The following MYO7B variants were observed in gnomAD, a reference collection of about 807,000 sequenced individuals.
MYO7B encodes myosin VIIB.
MYO7B carries 212 observed loss-of-function variants against 259.7 expected under a neutral mutation model. The observed-to-expected ratio is 0.82, with a 90% CI of 0.73 to 0.91. MYO7B has a LOEUF of 0.91. Ranked by LOEUF, MYO7B falls within the 40% of genes least tolerant of loss-of-function variation. The pLI is 0.00. For missense variants in MYO7B, 2,732 were observed against 2,813.5 expected (o/e 0.97, Z 0.66); for synonymous variants, 1,197 against 1,166.4 (o/e 1.03, Z -0.54).
rs767513137 is a variant in MYO7B at position 127,635,821 on chromosome 2, T to G, written c.5920T>G (p.Ser1974Ala). 1.3e-6 allele frequency: 2 copies of G among 1,587,962 alleles called. No homozygotes were observed. Among genetic ancestry groups the G allele is most frequent in the Non-Finnish European group, 1.7e-6 (2 of 1,167,586 alleles). ...CAAGGCCCAGTTCAACAACGACCGG[T>G]CCCAGCTGGCTAGTGTCCCCAAGAT... The part of the protein sequence containing the change: ...IYKAQFNNDR[S>A]QLASVPKILR... Residue 1974 changes from serine to alanine, a missense_variant, in exon 44 of 48, where the codon TCC (serine) becomes GCC (alanine). Ser to Ala is a moderately conservative substitution (Grantham distance 99). This residue lies in a region of MYO7B where 821 missense variants were observed against 769.3 expected (regional missense o/e 1.07). Coordinates refer to ENST00000409816, the MANE Select transcript of MYO7B (RefSeq NM_001393586.1).
At chr2:127,550,615 G>T (rs1693411016) in intron 1 of MYO7B, among the ~76,000 whole-genome samples, 1 of 151,832 alleles carries the variant, frequency 6.6e-6, no homozygotes, top group South Asian at 2.1e-4. Context: ...CAGAGGGAAA[G>T]TCAGGAAAGT....
chr2:127,628,530 C>T lies in MYO7B; in HGVS notation c.4619C>T (p.Ala1540Val). 7.8e-7 allele frequency: 1 copy of T among 1,280,536 alleles called. No homozygotes were observed. Among genetic ancestry groups the T allele is most frequent in the South Asian group, 1.3e-5 (1 of 79,662 alleles). The allele number at this position is 1,280,536 out of a possible 1,614,324, so 79.3% of individuals were successfully genotyped here. A position where few individuals can be genotyped will look rare whatever the true frequency, so the allele number is the denominator to read the frequency against. ...GCCATGGCCCTGCAGGACAGGAAGG[C>T]CACAGGTGCCAGACTGGGTGGGGTG... is the stretch of plus-strand genomic sequence containing the variant. ...IFAMALQDRK[A>V]TDDTTLLAFK... is the part of the protein sequence containing the mutation. The change falls in exon 34 of 48, where the codon GCC (alanine) becomes GTC (valine). Residue 1540 changes from alanine (A) to valine (V), a missense_variant. By Grantham distance (64) the Ala-to-Val change is moderately conservative (BLOSUM62 0). Coordinates refer to ENST00000409816, the MANE Select transcript of MYO7B (RefSeq NM_001393586.1). The surrounding 1 kb of genome is among the most constrained non-coding windows in gnomAD (Gnocchi z 4.8).
chr2:127,572,991 C>T (rs1308656507), intron 6 of MYO7B, among the ~76,000 whole-genome samples: 2 of 151,508 alleles, frequency 1.3e-5, no homozygotes. Context: ...CCCAACCAGT[C>T]GCCCCCATGA....
intron 1 of MYO7B, among the ~76,000 whole-genome samples, chr2:127,544,519 C>T (rs1693136501): frequency 1.3e-5 from 2 of 151,978 alleles, no homozygotes; most frequent in South Asian, 2.1e-4. Context: ...AGTGATTCTC[C>T]TGCCTCAGCC....
chr2:127,580,794 C>G lies in MYO7B; in HGVS notation c.1052C>G (p.Ala351Gly), dbSNP rs765584361. 3.1e-6 allele frequency: 5 copies of G among 1,613,436 alleles called. No homozygotes were observed. Among genetic ancestry groups the G allele is most frequent in the Admixed American group, 1.7e-5 (1 of 59,944 alleles). Residue 351 changes from alanine to glycine, a missense_variant, in exon 10 of 48, where the codon GCC becomes GGC. Physicochemically the swap from Ala to Gly is moderately conservative, Grantham distance 60. Around this residue, in one of 3 missense-constraint regions of MYO7B, gnomAD observed 1,906 missense variants for 2,026.4 expected, o/e 0.94. Coordinates refer to ENST00000409816, the MANE Select transcript of MYO7B (RefSeq NM_001393586.1). ...GCCTCAGACGTGATGGAGACGCCCGCCTTTCCCACCGTGATGAAGTTACTG... is the reference window on the plus strand; with the variant it reads ...GCCTCAGACGTGATGGAGACGCCCGGCTTTCCCACCGTGATGAAGTTACTG... ...LDASDVMETP[A>G]FPTVMKLLEV...
chr2:127,574,012 G>T lies in MYO7B; in HGVS notation c.685G>T (p.Gly229Cys). Residue 229 changes from glycine (G) to cysteine (C), a missense_variant, in exon 7 of 48, where the codon GGC (glycine) becomes TGC (cysteine). Physicochemically the swap from Gly to Cys is radical, Grantham distance 159. Transcript: ENST00000409816. ...IYFNPSGVIE[G>C]ARIEQFLLEK... ...CTTTAACCCCAGCGGGGTGATCGAG[G>T]GCGCGCGCATCGAGCAATTTCTCCT... 6.2e-7 allele frequency: 1 copy of T among 1,614,026 alleles called. No homozygotes were observed.
Position 127,590,310 on chromosome 2 carries a change from G to A in MYO7B, c.1992+81G>A. The stretch of plus-strand genomic sequence containing the variant: ...CTCTAGGGTTGTGGTCACTCCCTCT[G>A]CCAGGGCCTGGCTAGCGTTAGAGCT... On this transcript the variant is annotated intron_variant, in intron 16 of 47. Coordinates refer to ENST00000409816, the MANE Select transcript of MYO7B (RefSeq NM_001393586.1). The surrounding 1 kb of genome is among the most constrained non-coding windows in gnomAD (Gnocchi z 4.6). 1 of 1,585,676 alleles carries A rather than the reference G, an allele frequency of 6.3e-7. No homozygotes were observed. The highest frequency in any genetic ancestry group is 8.6e-7 in the Non-Finnish European group (1 of 1,161,044).
intron 14 of MYO7B, among the ~76,000 whole-genome samples, chr2:127,588,191 T>C (rs1035491728): frequency 2.0e-5 from 3 of 152,086 alleles, no homozygotes; most frequent in African/African-American, 7.2e-5. Flanking sequence ...GTCCAGAGTT[T>C]AGACAGGAGA....
At chr2:127,540,169 A>AT (rs1289905764) in intron 1 of MYO7B, among the ~76,000 whole-genome samples, 58,076 of 147,544 alleles carry the variant, frequency 0.39, 13,036 homozygotes, top group Admixed American at 0.55. Flanking sequence ...TTCTGGTTTT[A>AT]TTTTTTTTTT....
chr2:127,619,533 GAACTCAGA>G, intron 26 of MYO7B, among the ~76,000 whole-genome samples: 1 of 152,224 alleles, frequency 6.6e-6, no homozygotes, highest in Middle Eastern at 3.4e-3. Context: ...AGGGATGCAG[GAACTCAGA>G]GAGCCAGCCA....
chr2:127,617,854 AG>A (rs1680640372), intron 26 of MYO7B, among the ~76,000 whole-genome samples: 1 of 77,258 alleles, frequency 1.3e-5, no homozygotes, highest in Non-Finnish European at 2.4e-5. Flanking sequence ...TCTGGGCTTT[AG>A]TTTTTTTTTT....
intron 35 of MYO7B, 121 bp from the exon 36 acceptor site, chr2:127,630,657 C>A: frequency 7.2e-7 from 1 of 1,390,336 alleles, no homozygotes; most frequent in Non-Finnish European, 9.8e-7. Context: ...TAAGCCCTGG[C>A]CTGTTCAGCC....
At chr2:127,624,352 G>A (rs1314623144) in intron 30 of MYO7B, 32 bp downstream of exon 30, 14 of 1,538,794 alleles carry the variant, frequency 9.1e-6, no homozygotes, top group Non-Finnish European at 1.2e-5. Flanking sequence ...TCCACCCTAG[G>A]CTTTGCCATC....
At chr2:127,565,745 C>T (rs910242267) in intron 4 of MYO7B, among the ~76,000 whole-genome samples, 1 of 152,190 alleles carries the variant, frequency 6.6e-6, no homozygotes, top group Non-Finnish European at 1.5e-5. Flanking sequence ...GAGTGAGGCC[C>T]GTGACAGCCC....
intron 17 of MYO7B, among the ~76,000 whole-genome samples, 189 bp from the exon 18 acceptor site, chr2:127,593,357 C>T (rs1679641630): frequency 6.6e-6 from 1 of 151,994 alleles, no homozygotes; most frequent in South Asian, 2.1e-4. Context: ...ACATGGAGGC[C>T]CCGGGCCCCG....
chr2:127,554,095 A>G (rs960895498), intron 1 of MYO7B, among the ~76,000 whole-genome samples: 1 of 151,908 alleles, frequency 6.6e-6, no homozygotes, highest in Admixed American at 6.6e-5. Context: ...TTATTTTGAG[A>G]CGGAGTTTCA....
intron 28 of MYO7B, 145 bp from the exon 29 acceptor site, chr2:127,623,057 G>T: frequency 1.1e-6 from 1 of 915,404 alleles, no homozygotes; most frequent in Non-Finnish European, 1.6e-6. Flanking sequence ...CATGGCCTGG[G>T]GCTTCAGAGG....
At chr2:127,541,158 C>T (rs1480124745) in intron 1 of MYO7B, among the ~76,000 whole-genome samples, 3 of 152,010 alleles carry the variant, frequency 2.0e-5, no homozygotes, top group Non-Finnish European at 4.4e-5. Flanking sequence ...GGGAGCTTCT[C>T]TGAGCCATCT....
chr2:127,566,832 G>T lies in MYO7B; in HGVS notation c.470+5G>T, dbSNP rs1678372723. 2 of 1,606,124 alleles carry T rather than the reference G, an allele frequency of 1.2e-6. No homozygotes were observed. The highest frequency in any genetic ancestry group is 8.5e-7 in the Non-Finnish European group (1 of 1,178,498). ...GGACCAGTGCTGCATCATCAGGTGAGGCAGAGGGGTCAGGCACCACCTCCA... is the reference window on the plus strand; with the variant it reads ...GGACCAGTGCTGCATCATCAGGTGATGCAGAGGGGTCAGGCACCACCTCCA... On this transcript the variant is annotated splice_donor_5th_base_variant and intron_variant, in intron 5 of 47. Coordinates refer to ENST00000409816, the MANE Select transcript of MYO7B (RefSeq NM_001393586.1).
Sources: gnomAD v4.1 joint callset for allele counts (sites outside exome capture counted in the v4.1 genomes callset) on GRCh38, gnomAD v4.1.1 for gene constraint, gnomAD v4.1.1 regional missense constraint, Gnocchi (gnomAD v3.1) non-coding constraint, MANE v1.5 for transcripts, NCBI Gene and HGNC (gene_info 2026-07-23, HGNC 2026-07-21) for gene names.